ZFR: variants seen among roughly 807,000 people sequenced by gnomAD.
ZFR encodes zinc finger RNA binding protein, also known as zinc finger RNA-binding protein.
A neutral mutation model predicts 130.7 loss-of-function variants in ZFR; 19 were observed. The ratio of observed to expected loss-of-function variants is 0.15; its 90% confidence interval spans 0.10 to 0.21. The LOEUF (loss-of-function observed/expected upper bound fraction) is 0.21. Ranked by LOEUF, ZFR falls within the 10% of genes least tolerant of loss-of-function variation. The probability of loss-of-function intolerance (pLI) is 1.00; values close to 1 mark genes in which losing one functional copy is unlikely to be tolerated. For missense variants in ZFR, 872 were observed against 1,321.5 expected (o/e 0.66, Z 5.27); for synonymous variants, 466 against 456.9 (o/e 1.02, Z -0.25).
chr5:32,356,562 G>A (rs975049086), intron 19 of ZFR, among the ~76,000 whole-genome samples: 13 of 151,226 alleles, frequency 8.6e-5, no homozygotes, highest in Non-Finnish European at 1.5e-4. Flanking sequence ...ACAGGTGCCC[G>A]CCACCACGCC....
intron 2 of ZFR, among the ~76,000 whole-genome samples, chr5:32,426,374 AT>A (rs143953664): frequency 0.019 from 2,923 of 152,118 alleles, 50 homozygotes; most frequent in Non-Finnish European, 0.028. Context: ...AAGAGTCAAC[AT>A]CCTTTTATGA....
intron 2 of ZFR, among the ~76,000 whole-genome samples, chr5:32,443,936 G>A (rs1020344104): frequency 1.1e-4 from 17 of 152,170 alleles, no homozygotes; most frequent in African/African-American, 4.1e-4. Context: ...GGCCGCAGGA[G>A]GCCATTTTAG....
At chr5:32,407,171 G>C (rs1753596556) in intron 5 of ZFR, 150 bp from the exon 6 acceptor site, 1 of 700,528 alleles carries the variant, frequency 1.4e-6, no homozygotes, top group Non-Finnish European at 2.2e-6. Context: ...CCAGAAAAAA[G>C]CTTATTTTCC....
intron 10 of ZFR, among the ~76,000 whole-genome samples, chr5:32,395,734 T>C (rs1054296468): frequency 2.0e-5 from 3 of 152,332 alleles, no homozygotes; most frequent in South Asian, 4.1e-4. Context: ...AAGACCTTTA[T>C]ATGATGACCC....
intron 9 of ZFR, among the ~76,000 whole-genome samples, chr5:32,398,933 T>C (rs906410452): frequency 4.0e-5 from 6 of 151,836 alleles, no homozygotes; most frequent in Non-Finnish European, 5.9e-5. Flanking sequence ...TGGCCATCCA[T>C]AGATAATTTT....
chr5:32,421,104 T>G (rs1208718790), intron 2 of ZFR, among the ~76,000 whole-genome samples: 1 of 152,188 alleles, frequency 6.6e-6, no homozygotes, highest in African/African-American at 2.4e-5. Context: ...CCTATATCAC[T>G]AAAACCAAAG....
At chr5:32,439,275 T>C (rs1440268800) in intron 2 of ZFR, among the ~76,000 whole-genome samples, 1 of 152,238 alleles carries the variant, frequency 6.6e-6, no homozygotes, top group East Asian at 1.9e-4. Context: ...ATCACCAAGG[T>C]TGGTTTCAAA....
rs548347379 is a variant in ZFR at position 32,408,488 on chromosome 5, T to C, written c.785-1467A>G. Among the ~76,000 whole-genome samples the C allele has an allele frequency of 1.2e-4, 18 of 152,318 alleles. No individual in the cohort carries two copies. The East Asian group carries it at 3.3e-3, about 28-fold the overall frequency. On this transcript the variant is annotated intron_variant, in intron 5 of 19. Coordinates refer to ENST00000265069, the MANE Select transcript of ZFR (RefSeq NM_016107.5). ...GAAGTCATTTGGAAAATATCTGTTA[T>C]AAAGATATTATGTAAAAATCATGAT...
At chr5:32,374,234 G>T (rs145904421) in intron 17 of ZFR, among the ~76,000 whole-genome samples, 1 of 152,108 alleles carries the variant, frequency 6.6e-6, no homozygotes, top group African/African-American at 2.4e-5. Context: ...GGACAGGCAC[G>T]GTGGCTCACG....
intron 3 of ZFR, 82 bp downstream of exon 3, chr5:32,419,739 A>G (rs933844875): frequency 2.0e-6 from 3 of 1,486,014 alleles, no homozygotes; most frequent in African/African-American, 1.4e-5. Context: ...AAGTTTGAGA[A>G]GCAATGGCTA....
chr5:32,400,861 G>T (rs1278875831), intron 8 of ZFR, among the ~76,000 whole-genome samples: 3 of 152,084 alleles, frequency 2.0e-5, no homozygotes, highest in Non-Finnish European at 4.4e-5. Context: ...AAAGTTGGGG[G>T]TAACATCTAG....
chr5:32,395,397 G>A, intron 10 of ZFR, 93 bp from the exon 11 acceptor site: 1 of 1,019,254 alleles, frequency 9.8e-7, no homozygotes, highest in Admixed American at 3.8e-5. Context: ...CTTTAATCAC[G>A]GAGGCTTTTA....
chr5:32,439,212 G>C (rs1754406438), intron 2 of ZFR, among the ~76,000 whole-genome samples: 1 of 152,170 alleles, frequency 6.6e-6, no homozygotes, highest in South Asian at 2.1e-4. Context: ...TGGAAGGATT[G>C]ATGTTATTAG....
At chr5:32,381,114 G>A (rs914299919) in intron 15 of ZFR, among the ~76,000 whole-genome samples, 2 of 152,072 alleles carry the variant, frequency 1.3e-5, no homozygotes, top group Non-Finnish European at 2.9e-5. Context: ...GAACTAGTAT[G>A]GTTAAACAGA....
chr5:32,410,238 T>C (rs1213169083), intron 5 of ZFR, among the ~76,000 whole-genome samples: 1 of 131,578 alleles, frequency 7.6e-6, no homozygotes, highest in Non-Finnish European at 1.5e-5. Context: ...GCTGGGATTG[T>C]GCCACTCTAC....
intron 10 of ZFR, among the ~76,000 whole-genome samples, chr5:32,396,681 C>T (rs1404567465): frequency 2.0e-5 from 3 of 151,968 alleles, no homozygotes; most frequent in Admixed American, 2.0e-4. Context: ...GAAGCAGAGG[C>T]TGCAGTGAGC....
intron 5 of ZFR, among the ~76,000 whole-genome samples, chr5:32,410,618 T>A (rs534106557): frequency 7.1e-6 from 1 of 141,502 alleles, no homozygotes; most frequent in East Asian, 2.1e-4. Flanking sequence ...AAAAAAAAAA[T>A]TAATTAGTAA....
chr5:32,424,486 G>A (rs1411081077), intron 2 of ZFR, among the ~76,000 whole-genome samples: 4 of 150,728 alleles, frequency 2.7e-5, no homozygotes, highest in Non-Finnish European at 4.4e-5. Flanking sequence ...AGCCGAGATC[G>A]CGCGCCACTG....
intron 15 of ZFR, among the ~76,000 whole-genome samples, chr5:32,381,045 C>T (rs1322815912): frequency 6.6e-6 from 1 of 151,838 alleles, no homozygotes; most frequent in African/African-American, 2.4e-5. Flanking sequence ...TTAAAGTTCC[C>T]ATAAAGTATT....
Sources: allele counts gnomAD v4.1 joint callset (sites outside exome capture counted in the v4.1 genomes callset), GRCh38; gene constraint gnomAD v4.1.1; transcripts MANE v1.5; gene names NCBI Gene and HGNC (gene_info 2026-07-23, HGNC 2026-07-21).